Variants in ZNF318 observed in about 807,000 individuals in gnomAD.
ZNF318 encodes the protein endocrine regulator.
Under a neutral mutation model 124.2 loss-of-function variants are expected in ZNF318, and 51 were observed. That is an observed-to-expected ratio of 0.41 (90% CI 0.33 to 0.52). ZNF318 has a LOEUF of 0.52. Ranked by LOEUF, ZNF318 falls within the 20% of genes least tolerant of loss-of-function variation. The probability of loss-of-function intolerance (pLI) is 0.23; values close to 1 mark genes in which losing one functional copy is unlikely to be tolerated. For synonymous variants in ZNF318, 1,090 were observed against 1,040.7 expected (o/e 1.05, Z -0.91); for missense variants, 2,815 against 2,811.2 (o/e 1.00, Z -0.03).
intron 6 of ZNF318, among the ~76,000 whole-genome samples, chr6:43,345,245 CAA>C (rs35628286): frequency 1.2e-4 from 15 of 122,000 alleles, no homozygotes; most frequent in Admixed American, 2.5e-4. Context: ...GACCCTGTCT[CAA>C]AAAAAAAAAA....
rs777820661 is a variant in ZNF318 at position 43,336,914 on chromosome 6, A to C, written c.*244T>G. On this transcript the variant is annotated 3_prime_UTR_variant, in exon 10 of 10. Coordinates refer to ENST00000361428, the MANE Select transcript of ZNF318 (RefSeq NM_014345.3). The stretch of plus-strand genomic sequence containing the variant: ...AAATAAATTGGCCAAAAAAATTAAC[A>C]AAATACATTTTTACAGATATATATA... 1.4e-5 allele frequency: 3 copies of C among 209,300 alleles called. No individual in the cohort carries two copies. Among genetic ancestry groups the C allele is most frequent in the Non-Finnish European group, 2.7e-5 (3 of 110,618 alleles). 13.0% of individuals were successfully genotyped at this position (209,300 alleles called of 1,614,324 possible).
Position 43,338,714 on chromosome 6 carries a change from G to C in ZNF318, c.5284C>G (p.Gln1762Glu), listed in dbSNP as rs751477743. The C allele has an allele frequency of 1.9e-6, 3 of 1,614,040 alleles. No homozygotes were observed. Among genetic ancestry groups the C allele is most frequent in the South Asian group, 2.2e-5 (2 of 91,070 alleles). ...RESVNQDKES[Q>E]ELRKSEDCRE... Reference sequence around the variant, plus strand: ...CAATCCTCAGATTTACGGAGCTCTTGGCTTTCCTTATCCTGGTTAACAGAT... The same window carrying C: ...CAATCCTCAGATTTACGGAGCTCTTCGCTTTCCTTATCCTGGTTAACAGAT... Residue 1762 changes from glutamine to glutamate, a missense_variant, in exon 10 of 10, where the codon CAA becomes GAA. Physicochemically the swap from Gln to Glu is conservative, Grantham distance 29 (BLOSUM62 2). Around this residue, in one of 4 missense-constraint regions of ZNF318, gnomAD observed 927 missense variants for 820.6 expected, o/e 1.13. Coordinates refer to ENST00000361428, the MANE Select transcript of ZNF318 (RefSeq NM_014345.3).
In ZNF318 at chr6:43,348,311, A is replaced by T; in HGVS notation, c.3072+13T>A. On this transcript the variant is annotated intron_variant, in intron 6 of 9. Transcript: ENST00000361428. ...AAAAAAAGATGATAGAAATGGAAAA[A>T]TTGAGTTGTTACCTTGTTGGAGGAG... 6.3e-7 allele frequency: 1 copy of T among 1,588,716 alleles called. No homozygotes were observed. The highest frequency in any genetic ancestry group is 1.2e-5 in the South Asian group (1 of 86,554).
Position 43,337,654 on chromosome 6 carries a change from C to A in ZNF318, c.6344G>T (p.Arg2115Leu), listed in dbSNP as rs766022224. 7.4e-6 allele frequency: 12 copies of A among 1,614,000 alleles called. No homozygotes were observed. In the East Asian group the frequency reaches 2.5e-4, roughly 33 times the overall value. The change falls in exon 10 of 10, where the codon CGT (arginine) becomes CTT (leucine). Residue 2115 changes from arginine to leucine, a missense_variant. Coordinates refer to ENST00000361428, the MANE Select transcript of ZNF318 (RefSeq NM_014345.3). ...TGTTCCCTCTAGGCCCCCCAAGCCA[C>A]GGTCAACATTTTCTGTAAGTCCAGT... ...LKTGLTENVD[R>L]GLGGLEGTHQ...
At chr6:43,342,611 T>G in intron 7 of ZNF318, 65 bp downstream of exon 7, 2 of 1,515,964 alleles carry the variant, frequency 1.3e-6, no homozygotes, top group Non-Finnish European at 1.8e-6. Flanking sequence ...GCAATGCAGA[T>G]AGGGGTATAG....
chr6:43,363,123 A>C (rs1419359431), intron 2 of ZNF318, among the ~76,000 whole-genome samples: 2 of 152,244 alleles, frequency 1.3e-5, no homozygotes, highest in Non-Finnish European at 2.9e-5. Context: ...TAATTTTTGT[A>C]ATTTAAAAAT....
intron 1 of ZNF318, chr6:43,368,640 C>T (rs1255816607): frequency 3.0e-6 from 3 of 983,766 alleles, no homozygotes; most frequent in Non-Finnish European, 3.6e-6. Flanking sequence ...CACATCAACT[C>T]TACAAAAAGT....
At chr6:43,347,319 T>C (rs1779461118) in intron 6 of ZNF318, among the ~76,000 whole-genome samples, 1 of 152,182 alleles carries the variant, frequency 6.6e-6, no homozygotes, top group African/African-American at 2.4e-5. Context: ...ACTGGCTATA[T>C]GTGCAAAAAG....
At chr6:43,365,545 G>A (rs1266471075) in intron 1 of ZNF318, 105 bp from the exon 2 acceptor site, 15 of 1,192,096 alleles carry the variant, frequency 1.3e-5, no homozygotes, top group Non-Finnish European at 1.5e-5. Flanking sequence ...GGTGGCTCAT[G>A]CCTGTATACC....
intron 6 of ZNF318, among the ~76,000 whole-genome samples, chr6:43,343,501 T>C (rs1205897392): frequency 6.6e-6 from 1 of 152,062 alleles, no homozygotes; most frequent in Non-Finnish European, 1.5e-5. Flanking sequence ...AGGAAAAACA[T>C]TCCTAACTGC....
At position 43,337,525 on chromosome 6, in the gene ZNF318, ATTG is replaced by A. The variant is rs1259196128; in HGVS notation, c.6470_6472del (p.Thr2157del). On this transcript the variant is annotated inframe_deletion, in exon 10 of 10. Coordinates refer to ENST00000361428, the MANE Select transcript of ZNF318 (RefSeq NM_014345.3). ...AGATGGCCCAAGGCCTGCAGAATTAATTGTTTTTAATTCCAATCCGAGTGACTC... is the reference window on the plus strand; with the variant it reads ...AGATGGCCCAAGGCCTGCAGAATTAATTTTTAATTCCAATCCGAGTGACTC... 2.2e-5 allele frequency: 35 copies of A among 1,614,050 alleles called. No individual in the cohort carries two copies. Among genetic ancestry groups the A allele is most frequent in the Non-Finnish European group, 2.7e-5 (32 of 1,180,028 alleles).
chr6:43,355,975 C>A lies in ZNF318; in HGVS notation c.1359G>T (p.Trp453Cys), dbSNP rs1441475143. 1.9e-6 allele frequency: 3 copies of A among 1,614,158 alleles called. No homozygotes were observed. In the South Asian group the frequency reaches 3.3e-5, roughly 18 times the overall value. The stretch of plus-strand genomic sequence containing the variant: ...CTTTGGGAATCCCAGGAAGGGGACC[C>A]CATTGGTAGAGGTTGCCCTGAGGTT... ...LKEPQGNLYQ[W>C]GPLPGIPKDN... The change falls in exon 4 of 10, where the codon TGG becomes TGT. Residue 453 changes from tryptophan (W) to cysteine (C), a missense_variant. Physicochemically the swap from Trp to Cys is radical, Grantham distance 215 (BLOSUM62 -2). Transcript: ENST00000361428.
rs1562138999 is a variant in ZNF318 at position 43,369,423 on chromosome 6, G to A, written c.-58C>T. 8.7e-7 allele frequency: 1 copy of A among 1,149,456 alleles called. No homozygotes were observed. The highest frequency in any genetic ancestry group is 1.6e-5 in the African/African-American group (1 of 61,202). The allele number at this position is 1,149,456 out of a possible 1,614,324, so 71.2% of individuals were successfully genotyped here. Reference sequence around the variant, plus strand: ...TGACCCGGGGGCGCCCTAGACGCAGGCTCGGAGCGCGCCGCCGCAGCTGCA... The same window carrying A: ...TGACCCGGGGGCGCCCTAGACGCAGACTCGGAGCGCGCCGCCGCAGCTGCA... On this transcript the variant is annotated 5_prime_UTR_variant, in exon 1 of 10. Coordinates refer to ENST00000361428, the MANE Select transcript of ZNF318 (RefSeq NM_014345.3).
chr6:43,355,884 C>T lies in ZNF318; in HGVS notation c.1450G>A (p.Ala484Thr). The change falls in exon 4 of 10, where the codon GCT becomes ACT. Residue 484 changes from alanine to threonine, a missense_variant. This residue lies in a region of ZNF318 where 1,377 missense variants were observed against 1,353.5 expected (regional missense o/e 1.02). Transcript: ENST00000361428. ...LCHKDNLDLKAEGPERHTDFL... is the reference protein window; with the variant it reads ...LCHKDNLDLKTEGPERHTDFL... ...TCTGTGTGTCGCTCAGGTCCCTCAG[C>T]CTTCAAATCCAAATTATCCTTGTGG... is the stretch of plus-strand genomic sequence containing the variant. 2 of 1,614,230 alleles carry T rather than the reference C, an allele frequency of 1.2e-6. No homozygotes were observed. The highest frequency in any genetic ancestry group is 1.7e-6 in the Non-Finnish European group (2 of 1,180,054).
intron 6 of ZNF318, among the ~76,000 whole-genome samples, chr6:43,346,358 G>A (rs1779443432): frequency 6.6e-6 from 1 of 151,816 alleles, no homozygotes; most frequent in Non-Finnish European, 1.5e-5. Flanking sequence ...GCACGTGCCT[G>A]TAATCTCAGC....
Position 43,336,930 on chromosome 6 carries a change from G to GATATATAT in ZNF318, c.*220_*227dup. 1 of 204,838 alleles carries GATATATAT rather than the reference G, an allele frequency of 4.9e-6. No homozygotes were observed. Among genetic ancestry groups the GATATATAT allele is most frequent in the Non-Finnish European group, 9.2e-6 (1 of 108,822 alleles). The allele number at this position is 204,838 out of a possible 1,614,324, so 12.7% of individuals were successfully genotyped here. A position where few individuals can be genotyped will look rare whatever the true frequency, so the allele number is the denominator to read the frequency against. On this transcript the variant is annotated 3_prime_UTR_variant, in exon 10 of 10. Transcript: ENST00000361428. ...AAAATTAACAAAATACATTTTTACA[G>GATATATAT]ATATATATATATATATATAAGTTGT... is the stretch of plus-strand genomic sequence containing the variant.
chr6:43,340,482 T>C lies in ZNF318; in HGVS notation c.3516A>G (p.Pro1172=), dbSNP rs768476205. The stretch of plus-strand genomic sequence containing the variant: ...CCAGATTCCGCCGCTCCTCATATAA[T>C]GGGTTTTCATCCACATATTTCTGGG... ...EKYKKYVDEN[P]LYEERRNLDR... Residue 1172 remains proline, a synonymous_variant, in exon 10 of 10, where the codon CCA becomes CCG. Coordinates refer to ENST00000361428, the MANE Select transcript of ZNF318 (RefSeq NM_014345.3). The C allele has an allele frequency of 1.9e-6, 3 of 1,603,186 alleles. No individual in the cohort carries two copies. Among genetic ancestry groups the C allele is most frequent in the Non-Finnish European group, 2.5e-6 (3 of 1,176,910 alleles).
intron 5 of ZNF318, among the ~76,000 whole-genome samples, chr6:43,351,586 C>G (rs1043697964): frequency 7.2e-5 from 11 of 151,900 alleles, no homozygotes; most frequent in African/African-American, 2.7e-4. Flanking sequence ...AATGATGAAA[C>G]CCCATTGCTA....
chr6:43,340,003 T>C lies in ZNF318; in HGVS notation c.3995A>G (p.His1332Arg). The C allele has an allele frequency of 6.2e-7, 1 of 1,614,254 alleles. No individual in the cohort carries two copies. The highest frequency in any genetic ancestry group is 8.5e-7 in the Non-Finnish European group (1 of 1,180,046). Residue 1332 changes from histidine to arginine, a missense_variant, in exon 10 of 10, where the codon CAT becomes CGT. This residue lies in a region of ZNF318 where 500 missense variants were observed against 605.2 expected (regional missense o/e 0.83). Coordinates refer to ENST00000361428, the MANE Select transcript of ZNF318 (RefSeq NM_014345.3). ...IKLSGKTVVA[H>R]TSPWMPVVTT... ...CACAACAGGCATCCAAGGGCTGGTA[T>C]GTGCAACAACAGTTTTCCCAGAGAG...
Sources: gnomAD v4.1 joint callset for allele counts (sites outside exome capture counted in the v4.1 genomes callset) on GRCh38, gnomAD v4.1.1 for gene constraint, gnomAD v4.1.1 regional missense constraint, MANE v1.5 for transcripts, NCBI Gene and HGNC (gene_info 2026-07-23, HGNC 2026-07-21) for gene names.